The following IPO5 variants were observed in gnomAD, a reference collection of about 807,000 sequenced individuals.
IPO5 encodes the protein importin-5.
Under a neutral mutation model 143.3 loss-of-function variants are expected in IPO5, and 18 were observed. That is an observed-to-expected ratio of 0.13 (90% confidence interval 0.09 to 0.19). IPO5 has a LOEUF of 0.19. IPO5 is among the 10% of genes least tolerant of loss of function. The pLI is 1.00. For synonymous variants in IPO5, 477 were observed against 465.7 expected (o/e 1.02, Z -0.31); for missense variants, 1,013 against 1,336.9 (o/e 0.76, Z 3.78).
At chr13:98,007,575 C>A (rs538416675) in intron 17 of IPO5, 1 of 152,300 alleles carries the variant, frequency 6.6e-6, no homozygotes, top group Non-Finnish European at 1.5e-5. Context: ...AGACGCTGAC[C>A]ACTAAAACAT....
intron 26 of IPO5, 84 bp downstream of exon 26, chr13:98,018,788 C>T: frequency 1.1e-6 from 1 of 938,890 alleles, no homozygotes; most frequent in Non-Finnish European, 1.6e-6. Context: ...CACTCCCAAA[C>T]ATTATTTGCC....
In IPO5 at chr13:98,002,710, T is replaced by C; in HGVS notation, c.1260T>C (p.Cys420=). ...ATCCAAGAGTAAGGTATGCAGCCTG[T>C]AATGCCGTGGGACAGATGGCTACAG... ...DPHPRVRYAA[C]NAVGQMATDF... is the part of the protein sequence containing the mutation. Residue 420 remains cysteine, a synonymous_variant, in exon 15 of 29, where the codon TGT becomes TGC. Transcript: ENST00000651721. 1 of 1,612,414 alleles carries C rather than the reference T, an allele frequency of 6.2e-7. No homozygotes were observed. The highest frequency in any genetic ancestry group is 8.5e-7 in the Non-Finnish European group (1 of 1,179,366).
In IPO5 at chr13:98,018,387, G is replaced by C. The variant is rs528546; in HGVS notation, c.2617-98G>C. 0.55 allele frequency: 475,357 copies of C among 871,432 alleles called. 132,992 individuals carry two copies. Among genetic ancestry groups the C allele is most frequent in the African/African-American group, 0.82 (48,458 of 59,246 alleles). The allele number at this position is 871,432 out of a possible 1,614,324, so 54.0% of individuals were successfully genotyped here. A position where few individuals can be genotyped will look rare whatever the true frequency, so the allele number is the denominator to read the frequency against. ...GTTTTCTTTTTTCTTTTGCCTGTAT[G>C]AGGAATATCAATGTAAGCAGATAGT... On this transcript the variant is annotated intron_variant, in intron 25 of 28. Transcript: ENST00000651721.
At chr13:97,989,728 G>A (rs1370539617) in intron 7 of IPO5, among the ~76,000 whole-genome samples, 1 of 152,126 alleles carries the variant, frequency 6.6e-6, no homozygotes, top group East Asian at 1.9e-4. Flanking sequence ...TACTTTAGTT[G>A]TCATATATAT....
intron 11 of IPO5, 26 bp from the exon 12 acceptor site, chr13:97,997,505 G>A (rs554237400): frequency 1.4e-5 from 19 of 1,323,990 alleles, no homozygotes; most frequent in East Asian, 7.0e-5. Flanking sequence ...CACAGTCTTC[G>A]GGTATGAAAT....
intron 24 of IPO5, 34 bp downstream of exon 24, chr13:98,015,815 C>G (rs1236330743): frequency 7.2e-7 from 1 of 1,393,438 alleles, no homozygotes; most frequent in African/African-American, 1.4e-5. Context: ...ACTTACGTGA[C>G]CACTTGCATC....
rs1035869481 is a variant in IPO5, at chr13:97,994,909, T to C, written c.913+1684T>C. Among the ~76,000 whole-genome samples, 3 of 152,088 alleles carry C rather than the reference T, an allele frequency of 2.0e-5. No individual in the cohort carries two copies. In the East Asian group the frequency reaches 5.8e-4, roughly 29 times the overall value. ...GGAAAGCCAAGGTGGGTAAATTATGTGAGCTGCTGAGTTTGAGACCAGCCT... is the reference window on the plus strand; with the variant it reads ...GGAAAGCCAAGGTGGGTAAATTATGCGAGCTGCTGAGTTTGAGACCAGCCT... On this transcript the variant is annotated intron_variant, in intron 11 of 28. Coordinates refer to ENST00000651721, the MANE Select transcript of IPO5 (RefSeq NM_002271.6).
chr13:97,977,860 A>G (rs1886514266), intron 4 of IPO5, among the ~76,000 whole-genome samples: 1 of 152,220 alleles, frequency 6.6e-6, no homozygotes, highest in African/African-American at 2.4e-5. Context: ...TAAGTGAAGG[A>G]TGTTCAGCCA....
intron 8 of IPO5, 35 bp downstream of exon 8, chr13:97,990,257 A>G: frequency 7.0e-7 from 1 of 1,431,138 alleles, no homozygotes; most frequent in African/African-American, 1.4e-5. Context: ...ATAACCATCT[A>G]TTTTAATCTA....
intron 20 of IPO5, among the ~76,000 whole-genome samples, chr13:98,010,836 A>C (rs557982682): frequency 9.5e-4 from 112 of 118,224 alleles, no homozygotes; most frequent in Admixed American, 3.6e-3. Context: ...GCTGGAGTGC[A>C]GTGGCACGAT....
At chr13:98,008,033 G>A (rs1358038359) in intron 17 of IPO5, 26 bp from the exon 18 acceptor site, 14 of 1,476,432 alleles carry the variant, frequency 9.5e-6, no homozygotes, top group East Asian at 6.8e-5. Context: ...GTATCAACAA[G>A]TGTGTCTCTA....
intron 13 of IPO5, 76 bp downstream of exon 13, chr13:98,000,721 A>G (rs1356598179): frequency 3.3e-6 from 3 of 922,776 alleles, no homozygotes; most frequent in Non-Finnish European, 5.3e-6. Context: ...ATATGTTTAG[A>G]CTGTTAAAAA....
At chr13:97,959,725 C>T (rs1195082139) in intron 2 of IPO5, among the ~76,000 whole-genome samples, 1 of 152,156 alleles carries the variant, frequency 6.6e-6, no homozygotes, top group Middle Eastern at 3.2e-3. Context: ...CGGACTGGGA[C>T]TCTGTCTCAA....
Position 98,008,112 on chromosome 13 carries a change from C to T in IPO5, c.1770C>T (p.Asp590=), listed in dbSNP as rs1205782044. 1 of 1,610,784 alleles carries T rather than the reference C, an allele frequency of 6.2e-7. No homozygotes were observed. The highest frequency in any genetic ancestry group is 1.3e-5 in the African/African-American group (1 of 74,844). Reference sequence around the variant, plus strand: ...AGCTTTTGTTAAAGACCCAGACAGACTTCAATGATATGGAAGATGATGATC... The same window carrying T: ...AGCTTTTGTTAAAGACCCAGACAGATTTCAATGATATGGAAGATGATGATC... ...VMQLLLKTQT[D]FNDMEDDDPQ... is the part of the protein sequence containing the mutation. The change falls in exon 18 of 29, where the codon GAC becomes GAT. Residue 590 remains aspartate, a synonymous_variant. Transcript: ENST00000651721.
chr13:98,008,160 A>C lies in IPO5; in HGVS notation c.1800+18A>C. On this transcript the variant is annotated intron_variant, in intron 18 of 28. Coordinates refer to ENST00000651721, the MANE Select transcript of IPO5 (RefSeq NM_002271.6). ...ATCCTCAGGTAAGTGGTCTTAATGC[A>C]TTTGCTTTGATCCGCTAATGAGTTG... The C allele has an allele frequency of 6.9e-7, 1 of 1,448,162 alleles. No individual in the cohort carries two copies. The allele number at this position is 1,448,162 out of a possible 1,614,324, so 89.7% of individuals were successfully genotyped here. A position where few individuals can be genotyped will look rare whatever the true frequency, so the allele number is the denominator to read the frequency against.
At chr13:97,968,256 T>C (rs1885519869) in intron 2 of IPO5, among the ~76,000 whole-genome samples, 1 of 152,252 alleles carries the variant, frequency 6.6e-6, no homozygotes, top group Admixed American at 6.5e-5. Context: ...ACTTTGTTGG[T>C]TTCAATCCTT....
chr13:97,982,917 C>G (rs753059834), intron 5 of IPO5, among the ~76,000 whole-genome samples: 4 of 152,226 alleles, frequency 2.6e-5, no homozygotes, highest in Non-Finnish European at 5.9e-5. Context: ...TCTGCCCAGG[C>G]TTGAGTGCAC....
chr13:97,981,788 A>G (rs1338476874), intron 4 of IPO5, among the ~76,000 whole-genome samples: 1 of 152,138 alleles, frequency 6.6e-6, no homozygotes. Flanking sequence ...CTTGTTTTTT[A>G]ATCTGTTCTG....
At chr13:98,003,739 C>T (rs925196515) in intron 16 of IPO5, among the ~76,000 whole-genome samples, 9 of 151,890 alleles carry the variant, frequency 5.9e-5, no homozygotes, top group Admixed American at 2.6e-4. Flanking sequence ...ATTCCAGCTA[C>T]TCGGGAGGCT....
Sources: allele counts gnomAD v4.1 joint callset (sites outside exome capture counted in the v4.1 genomes callset), GRCh38; gene constraint gnomAD v4.1.1; transcripts MANE v1.5; gene names NCBI Gene and HGNC (gene_info 2026-07-23, HGNC 2026-07-21).